DLEC1: variants seen among roughly 807,000 people sequenced by gnomAD.
DLEC1 encodes DLEC1 cilia and flagella associated protein.
In DLEC1, 146 loss-of-function variants were observed where a neutral mutation model predicts 198.1. That is an observed-to-expected ratio of 0.74 (90% CI 0.64 to 0.85). DLEC1 has a LOEUF of 0.85. Ranked by LOEUF, DLEC1 falls within the 40% of genes least tolerant of loss-of-function variation. The pLI, the probability that DLEC1 is intolerant of heterozygous loss-of-function variation, is 0.00. For synonymous variants in DLEC1, 897 were observed against 866.8 expected (o/e 1.03, Z -0.61); for missense variants, 2,233 against 2,220.0 (o/e 1.01, Z -0.12).
At position 38,121,636 on chromosome 3, in the gene DLEC1, C is replaced by T. The variant is rs759725502; in HGVS notation, c.4875C>T (p.Pro1625=). The T allele has an allele frequency of 1.2e-6, 2 of 1,613,406 alleles. No individual in the cohort carries two copies. The highest frequency in any genetic ancestry group is 1.7e-5 in the Admixed American group (1 of 59,978). Residue 1625 remains proline, a synonymous_variant, in exon 35 of 37, where the codon CCC becomes CCT. Coordinates refer to ENST00000308059, the MANE Select transcript of DLEC1 (RefSeq NM_007335.4). ...TGCCTGGTCTCCCACAGGTGGTGCC[C>T]CTGCGGGCTGTGGTGGCCGTGCCTG... ...EYTNQTTQVV[P]LRAVVAVPEL...
chr3:38,081,639 G>A (rs1199224286), intron 6 of DLEC1, among the ~76,000 whole-genome samples: 3 of 90,966 alleles, frequency 3.3e-5, no homozygotes, highest in Non-Finnish European at 4.3e-5. Flanking sequence ...CCTCCCTCCC[G>A]GACGGGGCGG....
At chr3:38,113,294 G>A (rs116084454) in intron 25 of DLEC1, among the ~76,000 whole-genome samples, 385 of 152,326 alleles carry the variant, frequency 2.5e-3, no homozygotes, top group African/African-American at 8.5e-3. Flanking sequence ...CCTTCTCCAC[G>A]TCTGTCAGTA....
chr3:38,098,245 C>A (rs1205981221), intron 18 of DLEC1, among the ~76,000 whole-genome samples: 1 of 152,144 alleles, frequency 6.6e-6, no homozygotes, highest in African/African-American at 2.4e-5. Flanking sequence ...CTGCTCCAGC[C>A]GCATTCCCAC....
intron 6 of DLEC1, among the ~76,000 whole-genome samples, chr3:38,083,336 A>G (rs1291253424): frequency 3.0e-4 from 46 of 151,558 alleles, no homozygotes; most frequent in Non-Finnish European, 1.9e-4. Context: ...AAGGAAAATT[A>G]CAGTCAAAGG....
chr3:38,072,731 G>C (rs1198699253), intron 6 of DLEC1, among the ~76,000 whole-genome samples: 2 of 151,904 alleles, frequency 1.3e-5, no homozygotes, highest in Non-Finnish European at 1.5e-5. Context: ...TTGTAGAAGG[G>C]GTTGGGGTTT....
chr3:38,108,391 CAT>C lies in DLEC1; in HGVS notation c.3019-13_3019-12del, dbSNP rs1430815670. 6 of 1,609,132 alleles carry C rather than the reference CAT, an allele frequency of 3.7e-6. No individual in the cohort carries two copies. Among genetic ancestry groups the C allele is most frequent in the South Asian group, 1.1e-5 (1 of 90,820 alleles). The stretch of plus-strand genomic sequence containing the variant: ...CCCAGTAAGTGACAACAGGCTCACT[CAT>C]GTGTCTGCCAGCTCCTCGGACACCA... On this transcript the variant is annotated splice_polypyrimidine_tract_variant and intron_variant, in intron 20 of 36. Coordinates refer to ENST00000308059, the MANE Select transcript of DLEC1 (RefSeq NM_007335.4).
rs1699893486 is a variant in DLEC1, at chr3:38,111,756, C to T, written c.3514+9C>T. 3 of 1,609,888 alleles carry T rather than the reference C, an allele frequency of 1.9e-6. No individual in the cohort carries two copies. Among genetic ancestry groups the T allele is most frequent in the African/African-American group, 2.7e-5 (2 of 75,030 alleles). ...CAAGCGAGAGCAGCTGGGTAAGCGC[C>T]ACCAGGGTGGGGCTTCGGGGCCCAG... is the stretch of plus-strand genomic sequence containing the variant. On this transcript the variant is annotated intron_variant, in intron 24 of 36. Transcript: ENST00000308059.
chr3:38,100,522 A>G, intron 19 of DLEC1, 97 bp downstream of exon 19: 1 of 1,372,052 alleles, frequency 7.3e-7, no homozygotes, highest in Non-Finnish European at 9.5e-7. Context: ...TCTGGATTTA[A>G]AACTATTGAA....
Position 38,116,590 on chromosome 3 carries a change from G to A in DLEC1, c.3994G>A (p.Gly1332Ser). 6.2e-7 allele frequency: 1 copy of A among 1,614,126 alleles called. No individual in the cohort carries two copies. The highest frequency in any genetic ancestry group is 8.5e-7 in the Non-Finnish European group (1 of 1,179,988). The stretch of plus-strand genomic sequence containing the variant: ...GCTTGTGTGCCCTGATACCCCTGAG[G>A]GTGGCTGCCTCCTCTGGTCCCCAGG... The part of the protein sequence containing the change: ...NELVCPDTPE[G>S]GCLLWSPGPS... The change falls in exon 28 of 37, where the codon GGT becomes AGT. Residue 1332 changes from glycine to serine, a missense_variant. Transcript: ENST00000308059.
rs569180945 is a variant in DLEC1 at position 38,049,468 on chromosome 3, G to A, written c.562+3775G>A. Among the ~76,000 whole-genome samples, 48 of 152,352 alleles carry A rather than the reference G, an allele frequency of 3.2e-4. No homozygotes were observed. In the South Asian group the frequency reaches 9.5e-3, roughly 30 times the overall value. Reference sequence around the variant, plus strand: ...GCACATGTAAATTCTCCAAAGTGAGGGAGAAAGATCAGAATGCTGCAGAAC... The same window carrying A: ...GCACATGTAAATTCTCCAAAGTGAGAGAGAAAGATCAGAATGCTGCAGAAC... On this transcript the variant is annotated intron_variant, in intron 2 of 36. Transcript: ENST00000308059.
chr3:38,122,293 A>C lies in DLEC1; in HGVS notation c.5149A>C (p.Ser1717Arg). The C allele has an allele frequency of 6.2e-7, 1 of 1,612,304 alleles. No homozygotes were observed. The highest frequency in any genetic ancestry group is 8.5e-7 in the Non-Finnish European group (1 of 1,178,808). ...GCCCCCACATGCTCCCCACAGGAGT[A>C]GTGAGCTGTACGAGTCCACGATGGT... is the stretch of plus-strand genomic sequence containing the variant. ...ALQVFFTARS[S>R]ELYESTMVVE... Residue 1717 changes from serine (S) to arginine (R), a missense_variant, in exon 37 of 37, where the codon AGT (serine) becomes CGT (arginine). Coordinates refer to ENST00000308059, the MANE Select transcript of DLEC1 (RefSeq NM_007335.4).
intron 12 of DLEC1, 30 bp from the exon 13 acceptor site, chr3:38,094,849 G>T (rs780952984): frequency 4.2e-5 from 68 of 1,608,966 alleles, no homozygotes; most frequent in Non-Finnish European, 5.6e-5. Context: ...GCAGAACTGG[G>T]ACATGGCCTT....
intron 25 of DLEC1, among the ~76,000 whole-genome samples, chr3:38,113,401 A>G (rs1404511881): frequency 6.6e-6 from 1 of 152,092 alleles, no homozygotes; most frequent in Non-Finnish European, 1.5e-5. Flanking sequence ...AATTAATCCT[A>G]TATTGTTCGC....
In DLEC1 at chr3:38,112,105, T is replaced by C. The variant is rs1699915638; in HGVS notation, c.3515-105T>C. On this transcript the variant is annotated intron_variant, in intron 24 of 36. Transcript: ENST00000308059. The surrounding 1 kb of genome is among the most constrained non-coding windows in gnomAD (Gnocchi z 4.8). The stretch of plus-strand genomic sequence containing the variant: ...ACATGTAGCCTGACCAAGGAGAGGC[T>C]GGAGGGTGGCTTATCGGGGACAGTG... 1.3e-6 allele frequency: 2 copies of C among 1,542,100 alleles called. No homozygotes were observed. The highest frequency in any genetic ancestry group is 1.7e-5 in the Admixed American group (1 of 57,772).
Position 38,045,696 on chromosome 3 carries a change from G to A in DLEC1, c.562+3G>A, listed in dbSNP as rs777300470. 6.2e-7 allele frequency: 1 copy of A among 1,608,712 alleles called. No individual in the cohort carries two copies. The highest frequency in any genetic ancestry group is 8.5e-7 in the Non-Finnish European group (1 of 1,178,058). On this transcript the variant is annotated splice_donor_region_variant and intron_variant, in intron 2 of 36. Transcript: ENST00000308059. ...GAGCCTTGTCAGGTTGCCTCCAGGT[G>A]TGTATAAAGAACTCCCACATGCCTG...
At chr3:38,070,522 C>T (rs1266615651) in intron 6 of DLEC1, among the ~76,000 whole-genome samples, 1 of 152,136 alleles carries the variant, frequency 6.6e-6, no homozygotes, top group Non-Finnish European at 1.5e-5. Flanking sequence ...GAAGAGACTG[C>T]TAAACAAGCT....
At chr3:38,095,249 T>C (rs1698951513) in intron 13 of DLEC1, 178 bp downstream of exon 13, 1 of 688,016 alleles carries the variant, frequency 1.5e-6, no homozygotes. Context: ...GTGAAGCAGC[T>C]CATTTTGTCT....
At chr3:38,058,485 A>G (rs905238981) in intron 2 of DLEC1, among the ~76,000 whole-genome samples, 1 of 152,228 alleles carries the variant, frequency 6.6e-6, no homozygotes, top group Non-Finnish European at 1.5e-5. Context: ...CCAGGCCAGC[A>G]TTGCCTATCA....
chr3:38,088,011 A>G (rs1485112989), intron 9 of DLEC1, among the ~76,000 whole-genome samples: 1 of 152,214 alleles, frequency 6.6e-6, no homozygotes, highest in Non-Finnish European at 1.5e-5. Flanking sequence ...TTGTGTCCCA[A>G]TCACTTGGTG....
Sources: allele counts gnomAD v4.1 joint callset (sites outside exome capture counted in the v4.1 genomes callset), GRCh38; gene constraint gnomAD v4.1.1; non-coding constraint Gnocchi (gnomAD v3.1); transcripts MANE v1.5; gene names NCBI Gene and HGNC (gene_info 2026-07-23, HGNC 2026-07-21).